The following TENM2 variants were observed in gnomAD, a reference collection of about 807,000 sequenced individuals.
TENM2 encodes teneurin-2.
In TENM2, 52 loss-of-function variants were observed where a neutral mutation model predicts 245.2. That is an observed-to-expected ratio of 0.21 (90% CI 0.17 to 0.27). The LOEUF (loss-of-function observed/expected upper bound fraction) is 0.27. Ranked by LOEUF, TENM2 falls within the 10% of genes least tolerant of loss-of-function variation. The probability of loss-of-function intolerance (pLI) is 1.00; values close to 1 mark genes in which losing one functional copy is unlikely to be tolerated. For synonymous variants in TENM2, 1,363 were observed against 1,438.9 expected, an observed-to-expected ratio of 0.95 and a Z score of 1.19; for missense variants, 3,046 against 3,666.8, an observed-to-expected ratio of 0.83 and a Z score of 4.37.
chr5:167,669,735 G>C (rs1324739743), intron 2 of TENM2, among the ~76,000 whole-genome samples: 1 of 152,090 alleles, frequency 6.6e-6, no homozygotes, highest in East Asian at 1.9e-4. Context: ...GTGGCAGATG[G>C]GGGAGGGAGT....
chr5:167,868,032 G>A (rs1386017340), intron 2 of TENM2, among the ~76,000 whole-genome samples: 2 of 152,166 alleles, frequency 1.3e-5, no homozygotes, highest in Admixed American at 6.5e-5. Flanking sequence ...GGAAAAAAGA[G>A]CAACTTAAAA....
At chr5:167,965,488 G>A (rs994544620) in intron 4 of TENM2, 4 of 152,030 alleles carry the variant, frequency 2.6e-5, no homozygotes, top group South Asian at 2.1e-4. Context: ...AGGTTGAGAT[G>A]GAAGAATCTC....
the TENM2 span, among the ~76,000 whole-genome samples, chr5:167,046,816 G>C: frequency 1.3e-5 from 2 of 152,112 alleles, no homozygotes; most frequent in African/African-American, 4.8e-5. Context: ...TTTAAGCCCT[G>C]TATGCGTTAG....
At chr5:168,033,765 A>C (rs919059590) in intron 5 of TENM2, among the ~76,000 whole-genome samples, 2 of 152,032 alleles carry the variant, frequency 1.3e-5, no homozygotes, top group African/African-American at 4.8e-5. Context: ...CTGTAATCAC[A>C]CCTGTAATCC....
chr5:167,145,460 C>T, the TENM2 span, among the ~76,000 whole-genome samples: 1 of 152,172 alleles, frequency 6.6e-6, no homozygotes, highest in Admixed American at 6.5e-5. Flanking sequence ...CCCACCCAAC[C>T]TTCGAGAAGT....
intron 23 of TENM2, 23 bp from the exon 26 acceptor site, chr5:168,226,065 T>C (rs763911588): frequency 2.2e-5 from 34 of 1,552,578 alleles, no homozygotes; most frequent in Non-Finnish European, 3.0e-5. Flanking sequence ...CCAGGGTTTA[T>C]CTATCTATCT....
At chr5:168,182,850 A>T (rs28409973) in intron 13 of TENM2, among the ~76,000 whole-genome samples, 709 of 67,612 alleles carry the variant, frequency 0.01, 7 homozygotes, top group African/African-American at 0.047. Flanking sequence ...TTTTTTTTTG[A>T]GACAGAGTCT....
At chr5:167,907,056 A>G (rs1033604386) in intron 3 of TENM2, among the ~76,000 whole-genome samples, 7 of 152,114 alleles carry the variant, frequency 4.6e-5, no homozygotes, top group Admixed American at 4.6e-4. Flanking sequence ...AACATGAAGA[A>G]ACCCCATCTC....
At chr5:167,317,853 A>G (rs952864018) in intron 1 of TENM2, among the ~76,000 whole-genome samples, 6 of 152,176 alleles carry the variant, frequency 3.9e-5, no homozygotes, top group African/African-American at 1.2e-4. Flanking sequence ...TTGCAAAGGG[A>G]AGAGGGGATA....
chr5:167,216,212 C>T, the TENM2 span, among the ~76,000 whole-genome samples: 1 of 152,206 alleles, frequency 6.6e-6, no homozygotes, highest in African/African-American at 2.4e-5. Flanking sequence ...TAGAACTCCA[C>T]CCAGGCCAGC....
chr5:167,567,190 G>A (rs906707404), intron 2 of TENM2, among the ~76,000 whole-genome samples: 2 of 151,972 alleles, frequency 1.3e-5, no homozygotes, highest in African/African-American at 4.8e-5. Context: ...ATACATTAAG[G>A]GCTTTTTTGA....
chr5:167,009,690 ATT>A, the TENM2 span, among the ~76,000 whole-genome samples: 235 of 150,702 alleles, frequency 1.6e-3, no homozygotes, highest in African/African-American at 5.2e-3. Flanking sequence ...GCACATAAAA[ATT>A]TTTTTTTTCC....
intron 2 of TENM2, among the ~76,000 whole-genome samples, chr5:167,678,109 A>G (rs1273836186): frequency 6.6e-6 from 1 of 152,180 alleles, no homozygotes; most frequent in Non-Finnish European, 1.5e-5. Flanking sequence ...ATTTTAATAC[A>G]TATGCAAACA....
At chr5:167,899,508 C>A (rs1368736287) in intron 3 of TENM2, among the ~76,000 whole-genome samples, 2 of 152,242 alleles carry the variant, frequency 1.3e-5, no homozygotes, top group Non-Finnish European at 2.9e-5. Context: ...AACAACAACT[C>A]TCCAAGTATT....
chr5:167,105,614 C>T, the TENM2 span, among the ~76,000 whole-genome samples: 2 of 151,872 alleles, frequency 1.3e-5, no homozygotes, highest in African/African-American at 2.4e-5. Context: ...ATCGGCCGGG[C>T]GCGGTGGCTC....
At chr5:167,609,268 G>A (rs1422705577) in intron 2 of TENM2, among the ~76,000 whole-genome samples, 3 of 152,024 alleles carry the variant, frequency 2.0e-5, no homozygotes, top group Admixed American at 6.6e-5. Flanking sequence ...GATTACACAA[G>A]TAGAGTCGCA....
chr5:167,980,897 A>T (rs944045203), intron 4 of TENM2, among the ~76,000 whole-genome samples: 4 of 152,162 alleles, frequency 2.6e-5, no homozygotes, highest in African/African-American at 9.7e-5. Flanking sequence ...AGTGAAGTAG[A>T]TGGCATGGTG....
intron 2 of TENM2, among the ~76,000 whole-genome samples, chr5:167,408,074 T>C (rs1247954617): frequency 6.6e-6 from 1 of 152,168 alleles, no homozygotes; most frequent in Non-Finnish European, 1.5e-5. Flanking sequence ...CTTATTCCAC[T>C]GTGGCCCATT....
chr5:168,262,591 G>T (rs1451303983), exon 29 of TENM2: 1 of 1,576,772 alleles, frequency 6.3e-7, no homozygotes, highest in African/African-American at 1.3e-5. Context: ...CGAGACAGAG[G>T]GCCCTGGGCA....
Sources: gnomAD v4.1 joint callset for allele counts (sites outside exome capture counted in the v4.1 genomes callset) on GRCh38, gnomAD v4.1.1 for gene constraint, MANE v1.5 for transcripts, NCBI Gene and HGNC (gene_info 2026-07-23, HGNC 2026-07-21) for gene names.